Variants in HACD1 observed in about 807,000 individuals in gnomAD.
HACD1 encodes the protein 3-hydroxyacyl-CoA dehydratase 1, also known as very-long-chain (3R)-3-hydroxyacyl-CoA dehydratase 1.
A neutral mutation model predicts 32.0 loss-of-function variants in HACD1; 41 were observed. The observed-to-expected ratio is 1.28, with a 90% confidence interval of 1.00 to 1.66. HACD1 has a LOEUF of 1.66. Among genes scored for constraint, HACD1 ranks in the 40% most tolerant of loss-of-function variants. The pLI, the probability that HACD1 is intolerant of heterozygous loss-of-function variation, is 0.00. For synonymous variants in HACD1, 142 were observed against 139.0 expected, an observed-to-expected ratio of 1.02 and a Z score of -0.15; for missense variants, 396 against 380.1, an observed-to-expected ratio of 1.04 and a Z score of -0.35.
intron 5 of HACD1, among the ~76,000 whole-genome samples, chr10:17,598,210 A>G (rs1834020189): frequency 6.9e-6 from 1 of 144,410 alleles, no homozygotes; most frequent in Admixed American, 7.2e-5. Context: ...AAGTGAGCCG[A>G]GATCGTGCCA....
intron 1 of HACD1, among the ~76,000 whole-genome samples, chr10:17,607,445 C>G (rs141574608): frequency 2.6e-5 from 4 of 152,134 alleles, no homozygotes; most frequent in African/African-American, 9.7e-5. Flanking sequence ...TTCAAAGTCC[C>G]CATATTTCTT....
At chr10:17,609,481 C>G (rs1046012551) in intron 1 of HACD1, among the ~76,000 whole-genome samples, 2 of 151,952 alleles carry the variant, frequency 1.3e-5, no homozygotes, top group African/African-American at 4.8e-5. Context: ...TGAACAGATA[C>G]CCAAGAAGAT....
At chr10:17,613,807 T>G (rs1833026744) in intron 1 of HACD1, among the ~76,000 whole-genome samples, 1 of 152,194 alleles carries the variant, frequency 6.6e-6, no homozygotes, top group Non-Finnish European at 1.5e-5. Flanking sequence ...TAGATTTGAT[T>G]AGAAGTCATG....
At chr10:17,611,406 T>G (rs1327253596) in intron 1 of HACD1, among the ~76,000 whole-genome samples, 1 of 152,238 alleles carries the variant, frequency 6.6e-6, no homozygotes, top group African/African-American at 2.4e-5. Context: ...CCGCTCAGTT[T>G]AAATGCTGTG....
At position 17,594,395 on chromosome 10, in the gene HACD1, A is replaced by G; in HGVS notation, c.606-12T>C. ...TAAAAAAATTATATCTGGAGAAAGA[A>G]AAACCTCAGAGAATTATTTTTCTAC... On this transcript the variant is annotated splice_polypyrimidine_tract_variant and intron_variant, in intron 5 of 6. Coordinates refer to ENST00000361271, the MANE Select transcript of HACD1 (RefSeq NM_014241.4). 1.4e-6 allele frequency: 2 copies of G among 1,449,718 alleles called. No homozygotes were observed. The highest frequency in any genetic ancestry group is 1.8e-6 in the Non-Finnish European group (2 of 1,091,722). 89.8% of individuals were successfully genotyped at this position (1,449,718 alleles called of 1,614,324 possible). A position where few individuals can be genotyped will look rare whatever the true frequency, so the allele number is the denominator to read the frequency against.
At chr10:17,593,985 T>C (rs1554815786) in intron 6 of HACD1, among the ~76,000 whole-genome samples, 1 of 152,250 alleles carries the variant, frequency 6.6e-6, no homozygotes, top group African/African-American at 2.4e-5. Context: ...CAATAATCCA[T>C]GCGTTAATTT....
chr10:17,589,299 CAG>C lies in HACD1; in HGVS notation c.*1063_*1064del, dbSNP rs1276806106. The C allele has an allele frequency of 1.3e-5, 2 of 152,424 alleles. No homozygotes were observed. The highest frequency in any genetic ancestry group is 3.9e-4 in the East Asian group (2 of 5,182). 9.4% of individuals were successfully genotyped at this position (152,424 alleles called of 1,614,324 possible). On this transcript the variant is annotated 3_prime_UTR_variant, in exon 7 of 7. Transcript: ENST00000361271. ...CATCATCATCATCATCACTATTTTT[CAG>C]AGACAGGGTCTTGCTCTGTCACCCA...
At position 17,604,001 on chromosome 10, in the gene HACD1, C is replaced by T. The variant is rs1554816822; in HGVS notation, c.304G>A (p.Gly102Arg). The stretch of plus-strand genomic sequence containing the variant: ...CTTTTATATAAACCTCTGTGTGTTC[C>T]TTTTTCCATATAAAAACGTACCATG... Reference protein sequence around the residue: ...IAMVRFYMEKGTHRGLYKSIQ... With the variant: ...IAMVRFYMEKRTHRGLYKSIQ... The change falls in exon 2 of 7, where the codon GGA becomes AGA. Residue 102 changes from glycine to arginine, a missense_variant. Gly to Arg is a moderately radical substitution (Grantham distance 125). Transcript: ENST00000361271. The T allele has an allele frequency of 1.2e-6, 2 of 1,604,384 alleles. No individual in the cohort carries two copies. Among genetic ancestry groups the T allele is most frequent in the Non-Finnish European group, 1.7e-6 (2 of 1,177,608 alleles).
intron 1 of HACD1, among the ~76,000 whole-genome samples, chr10:17,614,359 C>T (rs1218986342): frequency 1.3e-5 from 2 of 152,166 alleles, no homozygotes; most frequent in African/African-American, 4.8e-5. Flanking sequence ...TGGGTTCAAG[C>T]GATTATCGTG....
intron 1 of HACD1, among the ~76,000 whole-genome samples, chr10:17,616,644 T>TAAAA (rs11343373): frequency 7.2e-4 from 90 of 125,266 alleles, no homozygotes; most frequent in African/African-American, 2.6e-3. Context: ...TGCTGTGCTT[T>TAAAA]AAAAAAAAAA....
chr10:17,599,937 A>G (rs1554816344), intron 4 of HACD1, among the ~76,000 whole-genome samples: 2 of 152,236 alleles, frequency 1.3e-5, no homozygotes, highest in Non-Finnish European at 2.9e-5. Context: ...ATAAAAAACA[A>G]ATTGGAATCA....
chr10:17,602,922 C>T (rs1247011679), intron 4 of HACD1: 3 of 152,070 alleles, frequency 2.0e-5, no homozygotes, highest in Non-Finnish European at 2.9e-5. Context: ...GAGTCTCGCT[C>T]TGTCGCCCAG....
chr10:17,593,625 C>T (rs1833957189), intron 6 of HACD1, among the ~76,000 whole-genome samples: 1 of 152,188 alleles, frequency 6.6e-6, no homozygotes, highest in African/African-American at 2.4e-5. Context: ...TCACTATTAG[C>T]AGCACTGAAA....
At chr10:17,610,289 G>A (rs977824412) in intron 1 of HACD1, among the ~76,000 whole-genome samples, 2 of 152,116 alleles carry the variant, frequency 1.3e-5, no homozygotes, top group South Asian at 4.1e-4. Flanking sequence ...TGAACCTTGG[G>A]TTTCTTGTTC....
At chr10:17,611,475 C>T (rs1373303315) in intron 1 of HACD1, among the ~76,000 whole-genome samples, 5 of 152,214 alleles carry the variant, frequency 3.3e-5, no homozygotes, top group Admixed American at 2.6e-4. Flanking sequence ...GACACATCTG[C>T]TTAGCACTTA....
chr10:17,604,737 G>C (rs1308549199), intron 1 of HACD1, among the ~76,000 whole-genome samples: 1 of 151,984 alleles, frequency 6.6e-6, no homozygotes, highest in Non-Finnish European at 1.5e-5. Flanking sequence ...ACAGGGTCTC[G>C]CTCTGTCACC....
chr10:17,591,504 C>A (rs1554815576), intron 6 of HACD1, among the ~76,000 whole-genome samples: 1 of 152,140 alleles, frequency 6.6e-6, no homozygotes, highest in East Asian at 1.9e-4. Flanking sequence ...GGTATTTAAT[C>A]CATTATATAA....
Position 17,594,378 on chromosome 10 carries a change from T to C in HACD1, c.611A>G (p.Asn204Ser). The change falls in exon 6 of 7, where the codon AAT becomes AGT. Residue 204 changes from asparagine to serine, a missense_variant. Asn to Ser is a conservative substitution (Grantham distance 46, BLOSUM62 1). Transcript: ENST00000361271. ...AACAGGATATAAGATGATAAAAAAATTATATCTGGAGAAAGAAAAACCTCA... is the reference window on the plus strand; with the variant it reads ...AACAGGATATAAGATGATAAAAAAACTATATCTGGAGAAAGAAAAACCTCA... ...LPYFIKWARYNFFIILYPVGV... is the reference protein window; with the variant it reads ...LPYFIKWARYSFFIILYPVGV... 6.8e-7 allele frequency: 1 copy of C among 1,463,032 alleles called. No individual in the cohort carries two copies. The highest frequency in any genetic ancestry group is 9.1e-7 in the Non-Finnish European group (1 of 1,100,692). 90.6% of individuals were successfully genotyped at this position (1,463,032 alleles called of 1,614,324 possible).
chr10:17,603,510 T>C (rs1554816723), intron 4 of HACD1, 50 bp downstream of exon 4: 7 of 1,456,086 alleles, frequency 4.8e-6, no homozygotes, highest in South Asian at 1.2e-5. Context: ...TTCCTATGAA[T>C]GGAAAGCTTT....
Sources: allele counts gnomAD v4.1 joint callset (sites outside exome capture counted in the v4.1 genomes callset), GRCh38; gene constraint gnomAD v4.1.1; transcripts MANE v1.5; gene names NCBI Gene and HGNC (gene_info 2026-07-23, HGNC 2026-07-21).